CAMK1D: variants seen among roughly 807,000 people sequenced by gnomAD.
The protein encoded by CAMK1D is calcium/calmodulin dependent protein kinase ID, also known as calcium/calmodulin-dependent protein kinase type 1D.
In CAMK1D, 9 loss-of-function variants were observed where a neutral mutation model predicts 47.7. The observed-to-expected ratio is 0.19, with a 90% CI of 0.11 to 0.33. The LOEUF (loss-of-function observed/expected upper bound fraction) is 0.33, where lower values mean the gene tolerates loss of function less well. Ranked by LOEUF, CAMK1D falls within the 10% of genes least tolerant of loss-of-function variation. The probability of loss-of-function intolerance (pLI) is 1.00; values close to 1 mark genes in which losing one functional copy is unlikely to be tolerated. For missense variants in CAMK1D, 291 were observed against 488.7 expected, an observed-to-expected ratio of 0.60 and a Z score of 3.81; for synonymous variants, 184 against 184.9, an observed-to-expected ratio of 0.99 and a Z score of 0.04.
chr10:12,573,830 A>ATTTTTTT (rs1588648909), intron 2 of CAMK1D, among the ~76,000 whole-genome samples: 2 of 46,154 alleles, frequency 4.3e-5, no homozygotes, highest in South Asian at 6.7e-4. Flanking sequence ...TATTAAAAAA[A>ATTTTTTT]CTTTTTTTTT....
chr10:12,352,675 A>T (rs1837386350), intron 1 of CAMK1D, among the ~76,000 whole-genome samples: 1 of 152,012 alleles, frequency 6.6e-6, no homozygotes, highest in African/African-American at 2.4e-5. Flanking sequence ...ATGTTATCTA[A>T]ACTTGGAAAA....
Position 12,769,670 on chromosome 10 carries a change from T to C in CAMK1D, c.439-3T>C. On this transcript the variant is annotated splice_region_variant and splice_polypyrimidine_tract_variant and intron_variant, in intron 4 of 10. Coordinates refer to ENST00000619168, the MANE Select transcript of CAMK1D (RefSeq NM_153498.4). Reference sequence around the variant, plus strand: ...TAATGTTTTTTTCTTATTTTCTTTCTAGCCCGAAAATCTCTTGTACTACAG... The same window carrying C: ...TAATGTTTTTTTCTTATTTTCTTTCCAGCCCGAAAATCTCTTGTACTACAG... 2 of 1,613,894 alleles carry C rather than the reference T, an allele frequency of 1.2e-6. No homozygotes were observed. Among genetic ancestry groups the C allele is most frequent in the Non-Finnish European group, 1.7e-6 (2 of 1,179,856 alleles).
At chr10:12,713,131 C>T (rs574919926) in intron 3 of CAMK1D, among the ~76,000 whole-genome samples, 6 of 151,916 alleles carry the variant, frequency 3.9e-5, no homozygotes, top group African/African-American at 7.2e-5. Flanking sequence ...AGTGCAATGG[C>T]GCCACCTTGG....
At chr10:12,690,877 A>C (rs114830545) in intron 3 of CAMK1D, among the ~76,000 whole-genome samples, 2,114 of 152,154 alleles carry the variant, frequency 0.014, 50 homozygotes, top group African/African-American at 0.048. Context: ...ACAGAAAAGA[A>C]AGCCTTGTGG....
At chr10:12,729,401 C>G (rs1279315252) in intron 3 of CAMK1D, among the ~76,000 whole-genome samples, 1 of 152,106 alleles carries the variant, frequency 6.6e-6, no homozygotes, top group African/African-American at 2.4e-5. Flanking sequence ...TTTGGGAGGC[C>G]AAGGTGGGAG....
intron 2 of CAMK1D, among the ~76,000 whole-genome samples, chr10:12,611,716 C>T (rs867648789): frequency 6.6e-6 from 1 of 150,900 alleles, no homozygotes; most frequent in South Asian, 2.1e-4. Flanking sequence ...CTCAGCCTCC[C>T]GAGTAGCTGA....
At chr10:12,726,201 G>A (rs781572878) in intron 3 of CAMK1D, among the ~76,000 whole-genome samples, 7 of 151,940 alleles carry the variant, frequency 4.6e-5, no homozygotes, top group Non-Finnish European at 7.4e-5. Flanking sequence ...CTAGGCGGGT[G>A]GATCACAAGG....
chr10:12,526,680 G>A (rs1235499930), intron 1 of CAMK1D, among the ~76,000 whole-genome samples: 4 of 152,224 alleles, frequency 2.6e-5, no homozygotes, highest in Non-Finnish European at 5.9e-5. Context: ...CACTTTGGGA[G>A]GCTGAGGTAG....
chr10:12,368,699 A>G (rs1257703050), intron 1 of CAMK1D, among the ~76,000 whole-genome samples: 1 of 150,888 alleles, frequency 6.6e-6, no homozygotes, highest in African/African-American at 2.4e-5. Flanking sequence ...GGCCCAAATC[A>G]TTCCACTGCA....
intron 1 of CAMK1D, among the ~76,000 whole-genome samples, chr10:12,525,153 G>A (rs1405383355): frequency 6.6e-6 from 1 of 152,166 alleles, no homozygotes; most frequent in African/African-American, 2.4e-5. Flanking sequence ...CTAGTCTCAA[G>A]ATTGTTTTTC....
Position 12,547,639 on chromosome 10 carries a change from A to ACCCCC in CAMK1D, c.93-5580_93-5576dup, listed in dbSNP as rs11393244. Among the ~76,000 whole-genome samples, 3 of 109,250 alleles carry ACCCCC rather than the reference A, an allele frequency of 2.7e-5. No homozygotes were observed. In the East Asian group the frequency reaches 8.5e-4, roughly 31 times the overall value. The allele number at this position is 109,250 out of a possible 152,430, so 71.7% of individuals were successfully genotyped here. ...CTTTAGTGTTTCCTGTCACGAGGAC[A>ACCCCC]CCCCCCCCCCAACCCTGCACTCTCT... On this transcript the variant is annotated intron_variant, in intron 1 of 10. Coordinates refer to ENST00000619168, the MANE Select transcript of CAMK1D (RefSeq NM_153498.4).
chr10:12,728,046 G>C (rs577227184), intron 3 of CAMK1D, among the ~76,000 whole-genome samples: 2 of 152,164 alleles, frequency 1.3e-5, no homozygotes. Context: ...GATTACAGGC[G>C]TGAGTCACAG....
At chr10:12,705,139 C>G (rs534363694) in intron 3 of CAMK1D, among the ~76,000 whole-genome samples, 12 of 152,150 alleles carry the variant, frequency 7.9e-5, no homozygotes, top group African/African-American at 2.9e-4. Context: ...TTATGACTGG[C>G]TTAAAACAAA....
intron 8 of CAMK1D, among the ~76,000 whole-genome samples, chr10:12,821,911 T>C (rs960369392): frequency 3.9e-5 from 6 of 151,914 alleles, no homozygotes; most frequent in Non-Finnish European, 8.8e-5. Flanking sequence ...AAGGCGGAGG[T>C]TGCAGTGAGT....
intron 3 of CAMK1D, among the ~76,000 whole-genome samples, chr10:12,719,060 T>C (rs1456399782): frequency 1.3e-5 from 2 of 152,112 alleles, no homozygotes; most frequent in Non-Finnish European, 2.9e-5. Flanking sequence ...AGAGACAAGG[T>C]ACGACAATTA....
chr10:12,541,890 T>TTCCTTCCTTA (rs1564401173), intron 1 of CAMK1D, among the ~76,000 whole-genome samples: 1 of 33,298 alleles, frequency 3.0e-5, no homozygotes, highest in Non-Finnish European at 8.1e-5. Flanking sequence ...TTCCTTCCTT[T>TTCCTTCCTTA]TTTTTTTTCA....
intron 3 of CAMK1D, among the ~76,000 whole-genome samples, chr10:12,734,093 C>T (rs1053548728): frequency 1.3e-4 from 20 of 151,376 alleles, no homozygotes; most frequent in South Asian, 1.0e-3. Context: ...GTGGGGAGTC[C>T]GAGGCGCGTG....
intron 2 of CAMK1D, among the ~76,000 whole-genome samples, chr10:12,625,153 A>G (rs1471289134): frequency 6.6e-6 from 1 of 151,862 alleles, no homozygotes; most frequent in African/African-American, 2.4e-5. Context: ...CCTGGCCAAC[A>G]TGATAAAACC....
Position 12,443,633 on chromosome 10 carries a change from T to A in CAMK1D, c.92+93723T>A, listed in dbSNP as rs188238280. 4.7e-3 allele frequency among the ~76,000 whole-genome samples: 714 copies of A among 152,116 alleles called. 6 individuals are homozygous for A. The highest frequency in any genetic ancestry group is 0.017 in the African/African-American group (690 of 41,448). On this transcript the variant is annotated intron_variant, in intron 1 of 10. Coordinates refer to ENST00000619168, the MANE Select transcript of CAMK1D (RefSeq NM_153498.4). ...TGCTGGTTTCCTATTTTATTTTATTTTTTTTTTTATTTTTGAGACGGAGTC... is the reference window on the plus strand; with the variant it reads ...TGCTGGTTTCCTATTTTATTTTATTATTTTTTTTATTTTTGAGACGGAGTC...
Sources: allele counts gnomAD v4.1 joint callset (sites outside exome capture counted in the v4.1 genomes callset), GRCh38; gene constraint gnomAD v4.1.1; transcripts MANE v1.5; gene names NCBI Gene and HGNC (gene_info 2026-07-23, HGNC 2026-07-21).